The following AFG1L variants were observed in gnomAD, a reference collection of about 807,000 sequenced individuals.
AFG1L encodes AFG1-like ATPase.
In AFG1L, 53 loss-of-function variants were observed where a neutral mutation model predicts 62.2. The observed-to-expected ratio is 0.85, with a 90% CI of 0.68 to 1.07. AFG1L has a LOEUF of 1.07. Among genes scored for constraint, AFG1L ranks in the 50% least tolerant of loss-of-function variants. The probability of loss-of-function intolerance (pLI) is 0.00; values close to 1 mark genes in which losing one functional copy is unlikely to be tolerated. For missense variants in AFG1L, 555 were observed against 590.5 expected (o/e 0.94, Z 0.62); for synonymous variants, 228 against 210.3 (o/e 1.08, Z -0.73).
At chr6:108,505,219 G>A (rs1465402298) in intron 10 of AFG1L, among the ~76,000 whole-genome samples, 5 of 151,432 alleles carry the variant, frequency 3.3e-5, no homozygotes, top group Admixed American at 1.3e-4. Flanking sequence ...TCAGCCTCCC[G>A]AGTAGCTGGG....
intron 7 of AFG1L, among the ~76,000 whole-genome samples, chr6:108,403,956 C>T (rs1442176704): frequency 6.6e-6 from 1 of 152,016 alleles, no homozygotes; most frequent in Non-Finnish European, 1.5e-5. Flanking sequence ...ATGGACTGAA[C>T]TTCCCAGGAA....
intron 3 of AFG1L, among the ~76,000 whole-genome samples, chr6:108,348,516 A>G (rs991348207): frequency 1.2e-4 from 18 of 152,234 alleles, no homozygotes; most frequent in Non-Finnish European, 2.4e-4. Context: ...AAGAGAGAAT[A>G]ATTTAGTTCA....
intron 1 of AFG1L, among the ~76,000 whole-genome samples, chr6:108,311,478 T>C (rs1416786039): frequency 6.6e-6 from 1 of 152,198 alleles, no homozygotes; most frequent in Non-Finnish European, 1.5e-5. Context: ...CTTATTTGTG[T>C]CTACCTTTTG....
Position 108,409,815 on chromosome 6 carries a change from A to G in AFG1L, c.807+7761A>G, listed in dbSNP as rs555792899. 9.2e-5 allele frequency among the ~76,000 whole-genome samples: 14 copies of G among 152,334 alleles called. No individual in the cohort carries two copies. The East Asian group carries it at 1.9e-3, about 21-fold the overall frequency. On this transcript the variant is annotated intron_variant, in intron 7 of 12. Transcript: ENST00000368977. ...TAAAATGATGCTGGAATAATCAGAC[A>G]TGAAAACTACTGCAGAAAAAAATGC...
Position 108,345,538 on chromosome 6 carries a change from TG to T in AFG1L, c.364-1446del, listed in dbSNP as rs1207655089. Among the ~76,000 whole-genome samples the T allele has an allele frequency of 2.6e-5, 4 of 152,042 alleles. No individual in the cohort carries two copies. In the East Asian group the frequency reaches 7.7e-4, roughly 29 times the overall value. On this transcript the variant is annotated intron_variant, in intron 2 of 12. Coordinates refer to ENST00000368977, the MANE Select transcript of AFG1L (RefSeq NM_145315.5). ...CCATGCCGGCTGATTTTTGTAGAGA[TG>T]GGGTTTTGCTATGTTGCCCAGGCTA...
intron 2 of AFG1L, among the ~76,000 whole-genome samples, chr6:108,335,871 C>G (rs543324701): frequency 6.6e-6 from 1 of 152,276 alleles, no homozygotes; most frequent in African/African-American, 2.4e-5. Context: ...TCATTTGCAT[C>G]TTTAAATTGT....
intron 7 of AFG1L, among the ~76,000 whole-genome samples, chr6:108,426,477 C>G (rs1770822056): frequency 6.6e-6 from 1 of 152,178 alleles, no homozygotes; most frequent in African/African-American, 2.4e-5. Context: ...ATTTCAACTT[C>G]TTTGCAGCCT....
intron 11 of AFG1L, among the ~76,000 whole-genome samples, chr6:108,512,314 G>C (rs1424529068): frequency 1.3e-5 from 2 of 152,194 alleles, no homozygotes; most frequent in Non-Finnish European, 2.9e-5. Context: ...TGCAGAAGCT[G>C]AGGGAAGCCC....
At chr6:108,433,979 A>G (rs1771195584) in intron 7 of AFG1L, among the ~76,000 whole-genome samples, 1 of 152,250 alleles carries the variant, frequency 6.6e-6, no homozygotes, top group African/African-American at 2.4e-5. Flanking sequence ...CAACATGGCC[A>G]TCCCGCAGGC....
At chr6:108,338,834 G>T (rs976139274) in intron 2 of AFG1L, among the ~76,000 whole-genome samples, 1 of 152,128 alleles carries the variant, frequency 6.6e-6, no homozygotes, top group Non-Finnish European at 1.5e-5. Context: ...GCGAGACCCC[G>T]TTACCAAGAC....
chr6:108,462,387 G>A (rs1317057698), intron 8 of AFG1L, among the ~76,000 whole-genome samples: 1 of 152,014 alleles, frequency 6.6e-6, no homozygotes, highest in Admixed American at 6.6e-5. Context: ...CTGGGTGACA[G>A]AGTGAGACCT....
intron 7 of AFG1L, among the ~76,000 whole-genome samples, chr6:108,443,338 T>G (rs1020267491): frequency 2.0e-5 from 3 of 152,146 alleles, no homozygotes; most frequent in African/African-American, 7.2e-5. Flanking sequence ...AACTGGCACT[T>G]CAGAGTTCCG....
chr6:108,482,892 A>G (rs1773382065), intron 10 of AFG1L, among the ~76,000 whole-genome samples: 1 of 152,148 alleles, frequency 6.6e-6, no homozygotes, highest in African/African-American at 2.4e-5. Context: ...AATGTTTGTC[A>G]GGTTTTTTTT....
chr6:108,415,578 G>A (rs1770223248), intron 7 of AFG1L, among the ~76,000 whole-genome samples: 1 of 152,122 alleles, frequency 6.6e-6, no homozygotes, highest in East Asian at 1.9e-4. Context: ...CAGATATACA[G>A]ACCAATGGAA....
chr6:108,465,156 A>T (rs1325086150), intron 8 of AFG1L, among the ~76,000 whole-genome samples: 1 of 152,248 alleles, frequency 6.6e-6, no homozygotes, highest in African/African-American at 2.4e-5. Flanking sequence ...AATTATACAA[A>T]GCTGAACGGG....
chr6:108,425,957 CT>C (rs1037848156), intron 7 of AFG1L, among the ~76,000 whole-genome samples: 3 of 152,098 alleles, frequency 2.0e-5, no homozygotes, highest in African/African-American at 7.2e-5. Context: ...CTCTTTTCAT[CT>C]TCAGATAAAG....
chr6:108,484,100 G>A (rs1423717636), intron 10 of AFG1L, among the ~76,000 whole-genome samples: 1 of 152,202 alleles, frequency 6.6e-6, no homozygotes, highest in Non-Finnish European at 1.5e-5. Flanking sequence ...AAGAGTCAAG[G>A]CTGATGGTGT....
intron 2 of AFG1L, among the ~76,000 whole-genome samples, chr6:108,338,152 C>T (rs1315952359): frequency 1.3e-5 from 2 of 152,208 alleles, no homozygotes; most frequent in Non-Finnish European, 2.9e-5. Flanking sequence ...TGCCACTGGA[C>T]TCCAGCCTGG....
In AFG1L at chr6:108,514,181, C is replaced by T. The variant is rs187284359; in HGVS notation, c.1203+3829C>T. Among the ~76,000 whole-genome samples, 23 of 152,266 alleles carry T rather than the reference C, an allele frequency of 1.5e-4. No homozygotes were observed. The East Asian group carries it at 3.7e-3, about 24-fold the overall frequency. On this transcript the variant is annotated intron_variant, in intron 11 of 12. Coordinates refer to ENST00000368977, the MANE Select transcript of AFG1L (RefSeq NM_145315.5). ...ACGGGGAAAAAACAGAGCAGAAAAA[C>T]TCAAAATTCTAAAAATCAGAGCGCC...
Sources: gnomAD v4.1 joint callset for allele counts (sites outside exome capture counted in the v4.1 genomes callset) on GRCh38, gnomAD v4.1.1 for gene constraint, MANE v1.5 for transcripts, NCBI Gene and HGNC (gene_info 2026-07-23, HGNC 2026-07-21) for gene names.